The following ANKH variants were observed in gnomAD, a reference collection of about 807,000 sequenced individuals.
ANKH encodes the protein ANKH inorganic pyrophosphate transport regulator, also known as mineralization regulator ANKH.
Under a neutral mutation model 49.0 loss-of-function variants are expected in ANKH, and 15 were observed. That is an observed-to-expected ratio of 0.31 (90% CI 0.20 to 0.47). The LOEUF is 0.47. ANKH is among the 20% of genes least tolerant of loss of function. ANKH has a pLI of 1.00. For synonymous variants in ANKH, 273 were observed against 260.0 expected, an observed-to-expected ratio of 1.05 and a Z score of -0.48; for missense variants, 429 against 652.0, an observed-to-expected ratio of 0.66 and a Z score of 3.72.
chr5:14,784,617 G>A (rs191406148), intron 1 of ANKH, among the ~76,000 whole-genome samples: 8 of 152,310 alleles, frequency 5.3e-5, no homozygotes, highest in Admixed American at 3.9e-4. Context: ...CATGTGGTTG[G>A]AGGCATTTCC....
chr5:14,721,646 G>T (rs187237244), intron 8 of ANKH, among the ~76,000 whole-genome samples: 74 of 152,266 alleles, frequency 4.9e-4, no homozygotes, highest in Non-Finnish European at 8.5e-4. Context: ...AAGTGGATAT[G>T]GTGAGCTGGG....
chr5:14,740,611 G>A (rs923006196), intron 8 of ANKH, among the ~76,000 whole-genome samples: 5 of 152,248 alleles, frequency 3.3e-5, no homozygotes, highest in African/African-American at 1.2e-4. Context: ...AGTGTCAGAG[G>A]TCTTCTGTGA....
chr5:14,811,815 G>A lies in ANKH; in HGVS notation c.97-42624C>T, dbSNP rs901279124. 2.0e-5 allele frequency among the ~76,000 whole-genome samples: 3 copies of A among 152,102 alleles called. No homozygotes were observed. In the East Asian group the frequency reaches 5.8e-4, roughly 29 times the overall value. The stretch of plus-strand genomic sequence containing the variant: ...GTAAAACAATGAAATTAGCCATGGG[G>A]GCAAGGATGTCTCATTTACCTTTTC... On this transcript the variant is annotated intron_variant, in intron 1 of 11. Transcript: ENST00000284268.
intron 11 of ANKH, among the ~76,000 whole-genome samples, chr5:14,712,183 G>A (rs1362258373): frequency 2.6e-5 from 4 of 152,206 alleles, no homozygotes; most frequent in East Asian, 3.8e-4. Flanking sequence ...AAGCCCAACC[G>A]CAGGGGACAG....
At position 14,741,793 on chromosome 5, in the gene ANKH, A is replaced by G. The variant is rs372831081; in HGVS notation, c.1011+34T>C. ...ACTTGCCCCTTTACAAAAACCAAAC[A>G]GAGAGAAGAGGCAGAGAGAGCCTCT... On this transcript the variant is annotated intron_variant, in intron 8 of 11. Coordinates refer to ENST00000284268, the MANE Select transcript of ANKH (RefSeq NM_054027.6). The G allele has an allele frequency of 3.2e-6, 5 of 1,560,382 alleles. No homozygotes were observed. The African/African-American group carries it at 5.4e-5, about 17-fold the overall frequency.
rs528625864 is a variant in ANKH at position 14,780,549 on chromosome 5, C to T, written c.97-11358G>A. 2.0e-5 allele frequency among the ~76,000 whole-genome samples: 3 copies of T among 152,164 alleles called. No individual in the cohort carries two copies. The East Asian group carries it at 5.8e-4, about 29-fold the overall frequency. On this transcript the variant is annotated intron_variant, in intron 1 of 11. Transcript: ENST00000284268. ...CAGAGTTAGACTGTCTCAAAAAAAA[C>T]AGAACAAAACAAAATCATGTTTCTC...
At chr5:14,750,557 G>A (rs997728313) in intron 5 of ANKH, among the ~76,000 whole-genome samples, 2 of 152,142 alleles carry the variant, frequency 1.3e-5, no homozygotes, top group Non-Finnish European at 2.9e-5. Flanking sequence ...GCTGCTTGAG[G>A]GTAGCGACCA....
chr5:14,778,728 C>T (rs1419002708), intron 1 of ANKH, among the ~76,000 whole-genome samples: 1 of 152,202 alleles, frequency 6.6e-6, no homozygotes, highest in East Asian at 1.9e-4. Context: ...TCACTTAACC[C>T]CACTCTTGCC....
chr5:14,848,379 T>G (rs1274793239), intron 1 of ANKH, among the ~76,000 whole-genome samples: 2 of 151,288 alleles, frequency 1.3e-5, no homozygotes, highest in African/African-American at 4.9e-5. Context: ...GATAGGGATA[T>G]AAACCCAGGT....
intron 1 of ANKH, among the ~76,000 whole-genome samples, chr5:14,819,258 C>G (rs1278219277): frequency 6.6e-6 from 1 of 152,170 alleles, no homozygotes; most frequent in African/African-American, 2.4e-5. Context: ...TTTTGCATAA[C>G]TCATAAAATA....
intron 1 of ANKH, among the ~76,000 whole-genome samples, chr5:14,805,594 T>C (rs1740686851): frequency 6.6e-6 from 1 of 151,160 alleles, no homozygotes. Context: ...TTGCTTTAGG[T>C]GTTTATTCTA....
chr5:14,755,061 C>CA (rs71603737), intron 4 of ANKH, among the ~76,000 whole-genome samples: 11,478 of 90,628 alleles, frequency 0.13, 723 homozygotes, highest in Admixed American at 0.24. Context: ...AACTCTGTCT[C>CA]AAAAAAAAAA....
At chr5:14,733,036 C>T (rs1464550690) in intron 8 of ANKH, among the ~76,000 whole-genome samples, 2 of 152,172 alleles carry the variant, frequency 1.3e-5, no homozygotes, top group Admixed American at 1.3e-4. Flanking sequence ...GTGTCAGCTC[C>T]AGTTCGTGCA....
chr5:14,830,508 G>GAAGT (rs1213812799), intron 1 of ANKH, among the ~76,000 whole-genome samples: 1 of 117,522 alleles, frequency 8.5e-6, no homozygotes, highest in African/African-American at 3.5e-5. Flanking sequence ...TGAGGTAGGG[G>GAAGT]GAGTGTGTGT....
chr5:14,704,880 T>G lies in ANKH; in HGVS notation c.*6317A>C, dbSNP rs928515069. On this transcript the variant is annotated 3_prime_UTR_variant, in exon 12 of 12. Coordinates refer to ENST00000284268, the MANE Select transcript of ANKH (RefSeq NM_054027.6). ...CTATTTGACAATATATGAATACAAA[T>G]CCATAAACCCTGAAACAAAGCATAT... The G allele has an allele frequency of 6.6e-6, 1 of 152,126 alleles. No homozygotes were observed. Among genetic ancestry groups the G allele is most frequent in the African/African-American group, 2.4e-5 (1 of 41,422 alleles). The allele number at this position is 152,126 out of a possible 1,614,324, so 9.4% of individuals were successfully genotyped here.
chr5:14,807,233 G>A (rs1262843691), intron 1 of ANKH, among the ~76,000 whole-genome samples: 2 of 149,936 alleles, frequency 1.3e-5, no homozygotes, highest in Non-Finnish European at 3.0e-5. Context: ...TCCTACCTCC[G>A]CCTCCCGAGT....
chr5:14,728,865 G>A (rs1250401625), intron 8 of ANKH, among the ~76,000 whole-genome samples: 1 of 152,150 alleles, frequency 6.6e-6, no homozygotes, highest in East Asian at 1.9e-4. Flanking sequence ...AAATAATGGT[G>A]TGCAACCAAG....
intron 8 of ANKH, among the ~76,000 whole-genome samples, chr5:14,719,216 A>C (rs1406099142): frequency 6.6e-6 from 1 of 152,226 alleles, no homozygotes; most frequent in Non-Finnish European, 1.5e-5. Flanking sequence ...AGGAGCAATA[A>C]GTTTTGAAGG....
At chr5:14,838,533 C>T (rs1376722839) in intron 1 of ANKH, among the ~76,000 whole-genome samples, 1 of 152,156 alleles carries the variant, frequency 6.6e-6, no homozygotes, top group Non-Finnish European at 1.5e-5. Context: ...ATGTCCTTCT[C>T]AGTGTGGGCC....
Sources: gnomAD v4.1 joint callset for allele counts (sites outside exome capture counted in the v4.1 genomes callset) on GRCh38, gnomAD v4.1.1 for gene constraint, MANE v1.5 for transcripts, NCBI Gene and HGNC (gene_info 2026-07-23, HGNC 2026-07-21) for gene names.